INTS4: variants seen among roughly 807,000 people sequenced by gnomAD.
The protein encoded by INTS4 is MSTP093.
Under a neutral mutation model 119.5 loss-of-function variants are expected in INTS4, and 70 were observed. The ratio of observed to expected loss-of-function variants is 0.59; its 90% CI spans 0.48 to 0.71. The LOEUF is 0.71. INTS4 is among the 30% of genes least tolerant of loss of function. The pLI, the probability that INTS4 is intolerant of heterozygous loss-of-function variation, is 0.00. For missense variants in INTS4, 867 were observed against 1,173.2 expected (o/e 0.74, Z 3.81); for synonymous variants, 316 against 419.6 (o/e 0.75, Z 3.02).
In INTS4 at chr11:77,915,014, T is replaced by C. The variant is rs113727134; in HGVS notation, c.1922+3807A>G. ...ATCATTTAGGCTTAGCCTGTGCAGC[T>C]AATGCAGCTTCTTCACACCACACAG... On this transcript the variant is annotated intron_variant, in intron 15 of 22. Coordinates refer to ENST00000534064, the MANE Select transcript of INTS4 (RefSeq NM_033547.4). 963 of 207,982 alleles carry C rather than the reference T, an allele frequency of 4.6e-3. 14 individuals carry two copies. Among genetic ancestry groups the C allele is most frequent in the African/African-American group, 0.021 (893 of 43,332 alleles). 12.9% of individuals were successfully genotyped at this position (207,982 alleles called of 1,614,324 possible).
intron 6 of INTS4, among the ~76,000 whole-genome samples, chr11:77,959,945 C>G (rs1445708281): frequency 1.3e-5 from 2 of 151,898 alleles, no homozygotes; most frequent in Admixed American, 6.6e-5. Context: ...TTATATGATC[C>G]TACGGTCTTG....
chr11:77,887,118 T>C (rs1017905519), intron 21 of INTS4, among the ~76,000 whole-genome samples: 3 of 151,508 alleles, frequency 2.0e-5, no homozygotes, highest in Admixed American at 1.3e-4. Flanking sequence ...CTGAAGGAAA[T>C]AGAGACACAA....
intron 15 of INTS4, among the ~76,000 whole-genome samples, chr11:77,909,711 A>C (rs1429909482): frequency 1.3e-5 from 2 of 152,260 alleles, no homozygotes; most frequent in Non-Finnish European, 2.9e-5. Flanking sequence ...GACTGTAACC[A>C]TATGAAAACA....
intron 22 of INTS4, 146 bp from the exon 23 acceptor site, chr11:77,879,273 C>A: frequency 1.2e-6 from 1 of 820,972 alleles, no homozygotes; most frequent in Non-Finnish European, 1.9e-6. Flanking sequence ...CCTCACCAAA[C>A]AAAACACTGA....
At chr11:77,990,097 C>T (rs555600537) in intron 2 of INTS4, among the ~76,000 whole-genome samples, 5 of 151,198 alleles carry the variant, frequency 3.3e-5, no homozygotes, top group East Asian at 3.9e-4. Flanking sequence ...CACACACCTG[C>T]GGTCCTAGCC....
At chr11:77,952,544 C>A (rs1358274615) in intron 8 of INTS4, among the ~76,000 whole-genome samples, 2 of 151,958 alleles carry the variant, frequency 1.3e-5, no homozygotes, top group Non-Finnish European at 2.9e-5. Flanking sequence ...CTAAAAATGC[C>A]TCATTTAGTA....
intron 11 of INTS4, among the ~76,000 whole-genome samples, chr11:77,926,924 A>G (rs1044250626): frequency 1.3e-5 from 2 of 151,044 alleles, no homozygotes; most frequent in Admixed American, 6.6e-5. Context: ...AGAATTACTG[A>G]AAAATGCTAC....
intron 8 of INTS4, among the ~76,000 whole-genome samples, chr11:77,949,291 T>C (rs1954127392): frequency 1.3e-5 from 2 of 152,038 alleles, no homozygotes; most frequent in African/African-American, 4.8e-5. Context: ...GGCAATACCA[T>C]TCAGGACATA....
intron 4 of INTS4, among the ~76,000 whole-genome samples, chr11:77,969,823 C>T (rs1326283445): frequency 6.6e-6 from 1 of 150,950 alleles, no homozygotes; most frequent in Non-Finnish European, 1.5e-5. Context: ...TCTCTCTGTT[C>T]GCCTAAGCCC....
At chr11:77,982,971 A>G (rs1856306626) in intron 2 of INTS4, among the ~76,000 whole-genome samples, 1 of 152,246 alleles carries the variant, frequency 6.6e-6, no homozygotes, top group African/African-American at 2.4e-5. Flanking sequence ...TATTATGCAC[A>G]TAACTTTAGA....
Position 77,972,608 on chromosome 11 carries a change from G to T in INTS4, c.471+6388C>A, listed in dbSNP as rs189336530. Among the ~76,000 whole-genome samples, 466 of 151,554 alleles carry T rather than the reference G, an allele frequency of 3.1e-3. 5 individuals are homozygous for T. Among genetic ancestry groups the T allele is most frequent in the Admixed American group, 2.5e-3 (38 of 15,186 alleles). On this transcript the variant is annotated intron_variant, in intron 4 of 22. Transcript: ENST00000534064. ...ATTTTTGTATTTTTAGTAGAGACAG[G>T]GTTTCACCATGTTGGCCAGGCTGGT...
At chr11:77,901,398 T>G in intron 18 of INTS4, 23 bp downstream of exon 18, 2 of 1,613,300 alleles carry the variant, frequency 1.2e-6, no homozygotes, top group Non-Finnish European at 1.7e-6. Flanking sequence ...ATGCCACATA[T>G]TTTGGCCAAC....
downstream of INTS4, chr11:77,877,132 T>G: frequency 1.5e-6 from 1 of 671,664 alleles, no homozygotes; most frequent in Non-Finnish European, 2.7e-6. Context: ...CTCGTGGAAA[T>G]AGACTGCCTG....
intron 2 of INTS4, among the ~76,000 whole-genome samples, chr11:77,982,136 C>CTT (rs777434800): frequency 1.2e-4 from 16 of 131,308 alleles, no homozygotes; most frequent in African/African-American, 3.4e-4. Context: ...TTCTACCTGT[C>CTT]TTTTTTTTTT....
At chr11:77,987,077 T>TGGTGGAGAAGGTGAG (rs1265443704) in intron 2 of INTS4, 1 of 152,150 alleles carries the variant, frequency 6.6e-6, no homozygotes, top group Non-Finnish European at 1.5e-5. Flanking sequence ...CATAAGAATC[T>TGGTGGAGAAGGTGAG]GGTGGAGAAG....
intron 9 of INTS4, among the ~76,000 whole-genome samples, chr11:77,940,210 C>T (rs1410995458): frequency 6.6e-6 from 1 of 152,084 alleles, no homozygotes; most frequent in Admixed American, 6.6e-5. Flanking sequence ...AAGAAGATTG[C>T]CTGGGCTCAG....
intron 22 of INTS4, 58 bp downstream of exon 22, chr11:77,883,773 AG>A: frequency 6.4e-7 from 1 of 1,568,140 alleles, no homozygotes; most frequent in Non-Finnish European, 8.7e-7. Context: ...CAAACGCTTA[AG>A]GGTAGGTGTG....
chr11:77,908,341 T>C (rs2136456912), intron 15 of INTS4, among the ~76,000 whole-genome samples: 1 of 152,016 alleles, frequency 6.6e-6, no homozygotes, highest in Non-Finnish European at 1.5e-5. Context: ...TTTTTTTTTT[T>C]TTTTTGAGGT....
Position 77,953,173 on chromosome 11 carries a change from G to A in INTS4, c.918+2769C>T, listed in dbSNP as rs577480208. Reference sequence around the variant, plus strand: ...TGGTCACAGGACTAAAGCTATCACCGGATCAGTGTCCAGTACAGTCAGAAA... The same window carrying A: ...TGGTCACAGGACTAAAGCTATCACCAGATCAGTGTCCAGTACAGTCAGAAA... On this transcript the variant is annotated intron_variant, in intron 8 of 22. Transcript: ENST00000534064. 1.1e-4 allele frequency among the ~76,000 whole-genome samples: 16 copies of A among 152,232 alleles called. No individual in the cohort carries two copies. In the South Asian group the frequency reaches 1.7e-3, roughly 16 times the overall value.
Sources: gnomAD v4.1 joint callset for allele counts (sites outside exome capture counted in the v4.1 genomes callset) on GRCh38, gnomAD v4.1.1 for gene constraint, MANE v1.5 for transcripts, NCBI Gene and HGNC (gene_info 2026-07-23, HGNC 2026-07-21) for gene names.